The following PSD variants were observed in gnomAD, a reference collection of about 807,000 sequenced individuals.
The protein encoded by PSD is PH and SEC7 domain-containing protein 1.
Under a neutral mutation model 91.6 loss-of-function variants are expected in PSD, and 32 were observed. The ratio of observed to expected loss-of-function variants is 0.35; its 90% confidence interval spans 0.26 to 0.47. The LOEUF (loss-of-function observed/expected upper bound fraction) is 0.47. Among genes scored for constraint, PSD ranks in the 20% least tolerant of loss-of-function variants. The pLI is 1.00. For missense variants in PSD, 1,099 were observed against 1,373.9 expected (o/e 0.80, Z 3.16); for synonymous variants, 532 against 569.3 (o/e 0.93, Z 0.93).
Position 102,413,849 on chromosome 10 carries a change from G to A in PSD, c.1473C>T (p.Ala491=). ...GGGGCTCCCTCCCTGGGGCCAGCTT[G>A]GCTCTGGCCTCTGCCTCCTCCTCCT... ...RGEEEEAEAR[A]KLAPGREPPS... Residue 491 remains alanine, a synonymous_variant, in exon 5 of 17, where the codon GCC becomes GCT. Transcript: ENST00000020673. 1 of 1,614,048 alleles carries A rather than the reference G, an allele frequency of 6.2e-7. No individual in the cohort carries two copies.
chr10:102,417,059 T>C lies in PSD; in HGVS notation c.-21A>G. The C allele has an allele frequency of 9.5e-7, 1 of 1,052,490 alleles. No individual in the cohort carries two copies. The highest frequency in any genetic ancestry group is 1.2e-6 in the Non-Finnish European group (1 of 838,472). 65.2% of individuals were successfully genotyped at this position (1,052,490 alleles called of 1,614,324 possible). A position where few individuals can be genotyped will look rare whatever the true frequency, so the allele number is the denominator to read the frequency against. ...GCCATGCTGGGGCCGGGGGTCAGGC[T>C]GGGGGGGCAGGGATGGCGAGGCCAG... On this transcript the variant is annotated 5_prime_UTR_variant, in exon 2 of 17. Transcript: ENST00000020673.
In PSD at chr10:102,418,719, G is replaced by T. The variant is rs921952958; in HGVS notation, c.-102C>A. The T allele has an allele frequency of 2.2e-6, 1 of 455,804 alleles. No individual in the cohort carries two copies. The highest frequency in any genetic ancestry group is 2.0e-5 in the African/African-American group (1 of 50,032). 28.2% of individuals were successfully genotyped at this position (455,804 alleles called of 1,614,324 possible). A position where few individuals can be genotyped will look rare whatever the true frequency, so the allele number is the denominator to read the frequency against. ...TACTCACCGCTGCTCGCCCAGAGCT[G>T]AGACCGAGGAGAGACAGAGGAGAGG... On this transcript the variant is annotated 5_prime_UTR_variant, in exon 1 of 17. Coordinates refer to ENST00000020673, the MANE Select transcript of PSD (RefSeq NM_002779.5).
At chr10:102,406,347 A>C (rs900696726) in intron 11 of PSD, among the ~76,000 whole-genome samples, 7 of 152,158 alleles carry the variant, frequency 4.6e-5, no homozygotes, top group African/African-American at 1.7e-4. Flanking sequence ...ACAGTGAGGG[A>C]GTCTCAGTGG....
chr10:102,410,345 TC>T lies in PSD; in HGVS notation c.2091+512del, dbSNP rs1232714249. Among the ~76,000 whole-genome samples, 3 of 152,198 alleles carry T rather than the reference TC, an allele frequency of 2.0e-5. No homozygotes were observed. The highest frequency in any genetic ancestry group is 4.4e-5 in the Non-Finnish European group (3 of 68,028). The stretch of plus-strand genomic sequence containing the variant: ...AGGGAGCCAGAAAGCAGTTTCTAGC[TC>T]CAGCTTTGCGCTAACTCGCTGCCAG... On this transcript the variant is annotated intron_variant, in intron 10 of 16. Coordinates refer to ENST00000020673, the MANE Select transcript of PSD (RefSeq NM_002779.5). The surrounding 1 kb of genome is among the most constrained non-coding windows in gnomAD (Gnocchi z 6.0).
chr10:102,412,139 A>G lies in PSD; in HGVS notation c.1829+8T>C, dbSNP rs1303816437. ...GTGGGGGCTGTCCTCCAAGGGGTCAACACCCACCTGAGAGCTTGGTCCAGA... is the reference window on the plus strand; with the variant it reads ...GTGGGGGCTGTCCTCCAAGGGGTCAGCACCCACCTGAGAGCTTGGTCCAGA... On this transcript the variant is annotated splice_region_variant and intron_variant, in intron 7 of 16. Coordinates refer to ENST00000020673, the MANE Select transcript of PSD (RefSeq NM_002779.5). 2 of 1,613,592 alleles carry G rather than the reference A, an allele frequency of 1.2e-6. No homozygotes were observed. Among genetic ancestry groups the G allele is most frequent in the Admixed American group, 1.7e-5 (1 of 60,026 alleles).
At chr10:102,415,372 T>C in intron 3 of PSD, 143 bp from the exon 4 acceptor site, 1 of 1,019,952 alleles carries the variant, frequency 9.8e-7, no homozygotes, top group Non-Finnish European at 1.3e-6. Flanking sequence ...GCTACATACT[T>C]AGCTTGTTCC....
rs376274284 is a variant in PSD, at chr10:102,405,471, C to G, written c.2201G>C (p.Arg734Pro). The G allele has an allele frequency of 1.2e-6, 2 of 1,613,898 alleles. No individual in the cohort carries two copies. The highest frequency in any genetic ancestry group is 1.6e-4 in the Middle Eastern group (1 of 6,082). The change falls in exon 12 of 17, where the codon CGG (arginine) becomes CCG (proline). Residue 734 changes from arginine (R) to proline (P), a missense_variant. Physicochemically the swap from Arg to Pro is moderately radical, Grantham distance 103 (BLOSUM62 -2). Coordinates refer to ENST00000020673, the MANE Select transcript of PSD (RefSeq NM_002779.5). The surrounding 1 kb of genome is among the most constrained non-coding windows in gnomAD (Gnocchi z 5.4). ...GCCACTGCCACTGCCCCCGCTGATC[C>G]GCTTGATGACCTTGGGGTTGGGGTC... is the stretch of plus-strand genomic sequence containing the variant. Reference protein sequence around the residue: ...LADPNPKVIKRISGGSGSGSS... With the variant: ...LADPNPKVIKPISGGSGSGSS...
chr10:102,417,248 T>A lies in PSD; in HGVS notation c.-83-127A>T, dbSNP rs1025503559. Reference sequence around the variant, plus strand: ...AGGGACCTAGCACACCCTGGTAATATGGGATCATTGATCCCACGCCTGGGG... The same window carrying A: ...AGGGACCTAGCACACCCTGGTAATAAGGGATCATTGATCCCACGCCTGGGG... On this transcript the variant is annotated intron_variant, in intron 1 of 16. Transcript: ENST00000020673. 5.5e-6 allele frequency: 3 copies of A among 548,276 alleles called. No homozygotes were observed. In the Admixed American group the frequency reaches 1.1e-4, roughly 19 times the overall value. The allele number at this position is 548,276 out of a possible 1,614,324, so 34.0% of individuals were successfully genotyped here.
intron 1 of PSD, 43 bp from the exon 2 acceptor site, chr10:102,417,164 T>C (rs112658089): frequency 4.8e-6 from 3 of 622,000 alleles, no homozygotes; most frequent in African/African-American, 3.7e-5. Flanking sequence ...TGCCAAGGAG[T>C]TAGATGGATA....
intron 8 of PSD, 33 bp downstream of exon 8, chr10:102,411,674 G>A: frequency 6.4e-7 from 1 of 1,565,566 alleles, no homozygotes; most frequent in Non-Finnish European, 8.7e-7. Context: ...ACTGTGGCCA[G>A]CTAAGGACAC....
rs961603758 is a variant in PSD at position 102,417,061 on chromosome 10, G to A, written c.-23C>T. 1.1e-5 allele frequency: 17 copies of A among 1,492,116 alleles called. No individual in the cohort carries two copies. Among genetic ancestry groups the A allele is most frequent in the Non-Finnish European group, 1.5e-5 (17 of 1,111,024 alleles). The allele number at this position is 1,492,116 out of a possible 1,614,324, so 92.4% of individuals were successfully genotyped here. Reference sequence around the variant, plus strand: ...CATGCTGGGGCCGGGGGTCAGGCTGGGGGGGCAGGGATGGCGAGGCCAGGC... The same window carrying A: ...CATGCTGGGGCCGGGGGTCAGGCTGAGGGGGCAGGGATGGCGAGGCCAGGC... On this transcript the variant is annotated 5_prime_UTR_variant, in exon 2 of 17. Transcript: ENST00000020673.
Position 102,413,690 on chromosome 10 carries a change from A to C in PSD, c.1553+79T>G, listed in dbSNP as rs2061445808. On this transcript the variant is annotated intron_variant, in intron 5 of 16. Transcript: ENST00000020673. Reference sequence around the variant, plus strand: ...GTCAGGAATATAAACCAATCCTCACACTCAGGATCTGTCCCTTACAGCAGC... The same window carrying C: ...GTCAGGAATATAAACCAATCCTCACCCTCAGGATCTGTCCCTTACAGCAGC... 7.8e-6 allele frequency: 11 copies of C among 1,406,476 alleles called. No homozygotes were observed. The South Asian group carries it at 1.5e-4, about 19-fold the overall frequency. The allele number at this position is 1,406,476 out of a possible 1,614,324, so 87.1% of individuals were successfully genotyped here.
rs1181790237 is a variant in PSD at position 102,409,402 on chromosome 10, G to T, written c.2091+1456C>A. 1 of 971,588 alleles carries T rather than the reference G, an allele frequency of 1.0e-6. No homozygotes were observed. Among genetic ancestry groups the T allele is most frequent in the Non-Finnish European group, 1.2e-6 (1 of 817,426 alleles). 60.2% of individuals were successfully genotyped at this position (971,588 alleles called of 1,614,324 possible). ...GCCCTCCCCGCGCGGCCACGGGGAGGAGCCTGGGGAGGCCAGCGTGGGTGG... is the reference window on the plus strand; with the variant it reads ...GCCCTCCCCGCGCGGCCACGGGGAGTAGCCTGGGGAGGCCAGCGTGGGTGG... On this transcript the variant is annotated intron_variant, in intron 10 of 16. Transcript: ENST00000020673. The surrounding 1 kb of genome is among the most constrained non-coding windows in gnomAD (Gnocchi z 5.7).
chr10:102,409,732 C>T lies in PSD; in HGVS notation c.2091+1126G>A, dbSNP rs147141510. On this transcript the variant is annotated intron_variant, in intron 10 of 16. Coordinates refer to ENST00000020673, the MANE Select transcript of PSD (RefSeq NM_002779.5). The surrounding 1 kb of genome is among the most constrained non-coding windows in gnomAD (Gnocchi z 5.7). ...CCAACAAACCAGACGCACCAGTTCA[C>T]GGTCACCCCAACTCGCAGACACTAC... Among the ~76,000 whole-genome samples the T allele has an allele frequency of 1.3e-5, 2 of 152,254 alleles. No homozygotes were observed. Among genetic ancestry groups the T allele is most frequent in the East Asian group, 3.9e-4 (2 of 5,176 alleles).
Position 102,416,636 on chromosome 10 carries a change from G to A in PSD, c.403C>T (p.Pro135Ser). 6.2e-7 allele frequency: 1 copy of A among 1,608,136 alleles called. No individual in the cohort carries two copies. Among genetic ancestry groups the A allele is most frequent in the Non-Finnish European group, 8.5e-7 (1 of 1,177,438 alleles). ...GGCCCAAGGGCTGGGGTGGGCCTGG[G>A]AGGAGAAACCCCACCCAGATCCCAG... ...RSWDLGGVSPPRPTPALGPGS... is the reference protein window; with the variant it reads ...RSWDLGGVSPSRPTPALGPGS... Residue 135 changes from proline (P) to serine (S), a missense_variant, in exon 2 of 17, where the codon CCC becomes TCC. Around this residue, in one of 3 missense-constraint regions of PSD, gnomAD observed 631 missense variants for 728.8 expected, o/e 0.87. Coordinates refer to ENST00000020673, the MANE Select transcript of PSD (RefSeq NM_002779.5). This position sits in a 1 kb window ranked among gnomAD's most constrained non-coding sequence, Gnocchi z 6.0.
rs2061333944 is a variant in PSD at position 102,404,339 on chromosome 10, C to T, written c.2700+244G>A. On this transcript the variant is annotated intron_variant, in intron 15 of 16. Coordinates refer to ENST00000020673, the MANE Select transcript of PSD (RefSeq NM_002779.5). The surrounding 1 kb of genome is among the most constrained non-coding windows in gnomAD (Gnocchi z 5.7). The stretch of plus-strand genomic sequence containing the variant: ...CTCCCACCTGGGCAACAGAGCGAGA[C>T]TCCATCTCAAAAAAAAAAAAAAAAA... 7.1e-6 allele frequency among the ~76,000 whole-genome samples: 1 copy of T among 140,966 alleles called. No homozygotes were observed. Among genetic ancestry groups the T allele is most frequent in the African/African-American group, 2.6e-5 (1 of 38,108 alleles). 92.5% of individuals were successfully genotyped at this position (140,966 alleles called of 152,430 possible). A position where few individuals can be genotyped will look rare whatever the true frequency, so the allele number is the denominator to read the frequency against.
At position 102,410,750 on chromosome 10, in the gene PSD, G is replaced by A; in HGVS notation, c.2091+108C>T. 1 of 885,494 alleles carries A rather than the reference G, an allele frequency of 1.1e-6. No individual in the cohort carries two copies. The highest frequency in any genetic ancestry group is 1.9e-5 in the Admixed American group (1 of 53,424). 54.9% of individuals were successfully genotyped at this position (885,494 alleles called of 1,614,324 possible). ...AGCCCGGGCTTCCGTGGCAGGAGCC[G>A]GGGGTCGGCAAGCCCCAGCCCTGCC... On this transcript the variant is annotated intron_variant, in intron 10 of 16. Transcript: ENST00000020673. This position sits in a 1 kb window ranked among gnomAD's most constrained non-coding sequence, Gnocchi z 6.0.
chr10:102,417,707 CTT>C lies in PSD; in HGVS notation c.-83-588_-83-587del, dbSNP rs5787453. Among the ~76,000 whole-genome samples the C allele has an allele frequency of 2.7e-3, 328 of 122,866 alleles. 1 individual carries two copies. Among genetic ancestry groups the C allele is most frequent in the Middle Eastern group, 4.3e-3 (1 of 230 alleles). The allele number at this position is 122,866 out of a possible 152,430, so 80.6% of individuals were successfully genotyped here. On this transcript the variant is annotated intron_variant, in intron 1 of 16. Coordinates refer to ENST00000020673, the MANE Select transcript of PSD (RefSeq NM_002779.5). ...TACTGAGTGGGAAAGGGACATTCTT[CTT>C]TTTTTTTTTTTTTTTTGAGATGGAG...
intron 7 of PSD, 55 bp from the exon 8 acceptor site, chr10:102,411,874 C>G (rs1416749237): frequency 7.5e-7 from 1 of 1,338,028 alleles, no homozygotes; most frequent in East Asian, 2.4e-5. Flanking sequence ...CAGCCTCTGT[C>G]TCTGGGGTGA....
Sources: gnomAD v4.1 joint callset for allele counts (sites outside exome capture counted in the v4.1 genomes callset) on GRCh38, gnomAD v4.1.1 for gene constraint, gnomAD v4.1.1 regional missense constraint, Gnocchi (gnomAD v3.1) non-coding constraint, MANE v1.5 for transcripts, NCBI Gene and HGNC (gene_info 2026-07-23, HGNC 2026-07-21) for gene names.